The following UNC5C variants were observed in gnomAD, a reference collection of about 807,000 sequenced individuals.
The protein encoded by UNC5C is netrin receptor UNC5C.
In UNC5C, 47 loss-of-function variants were observed where a neutral mutation model predicts 99.8. That is an observed-to-expected ratio of 0.47 (90% CI 0.37 to 0.60). The LOEUF is 0.60. UNC5C is among the 20% of genes least tolerant of loss of function. UNC5C has a pLI of 0.00. For missense variants in UNC5C, 1,062 were observed against 1,165.9 expected, an observed-to-expected ratio of 0.91 and a Z score of 1.30; for synonymous variants, 487 against 452.2, an observed-to-expected ratio of 1.08 and a Z score of -0.98.
At chr4:95,473,791 T>G (rs1748048224) in intron 1 of UNC5C, among the ~76,000 whole-genome samples, 1 of 152,066 alleles carries the variant, frequency 6.6e-6, no homozygotes, top group South Asian at 2.1e-4. Flanking sequence ...TAAAAACTTC[T>G]ACAGAGGGGA....
At chr4:95,544,071 G>A (rs986025650) in intron 1 of UNC5C, among the ~76,000 whole-genome samples, 1 of 152,164 alleles carries the variant, frequency 6.6e-6, no homozygotes, top group Non-Finnish European at 1.5e-5. Context: ...AGAATTGAAA[G>A]TCAAGGAATA....
intron 7 of UNC5C, among the ~76,000 whole-genome samples, chr4:95,227,648 G>T (rs1738749611): frequency 6.6e-6 from 1 of 152,134 alleles, no homozygotes; most frequent in South Asian, 2.1e-4. Flanking sequence ...TCTCATAATT[G>T]CTCAAAACAT....
At chr4:95,523,270 C>T (rs945826064) in intron 1 of UNC5C, among the ~76,000 whole-genome samples, 21 of 152,182 alleles carry the variant, frequency 1.4e-4, no homozygotes, top group Admixed American at 9.2e-4. Flanking sequence ...AAGGAGATTC[C>T]TTGGAGAGGG....
intron 1 of UNC5C, among the ~76,000 whole-genome samples, chr4:95,490,623 A>G (rs1241745618): frequency 6.6e-6 from 1 of 151,706 alleles, no homozygotes; most frequent in African/African-American, 2.4e-5. Flanking sequence ...GAAAAAAATT[A>G]TCATTCAGTA....
chr4:95,335,040 A>T (rs879776547), intron 2 of UNC5C, among the ~76,000 whole-genome samples: 2 of 152,034 alleles, frequency 1.3e-5, no homozygotes, highest in Non-Finnish European at 2.9e-5. Flanking sequence ...AATTTATCCA[A>T]GTTAAAAATG....
intron 1 of UNC5C, among the ~76,000 whole-genome samples, chr4:95,360,202 G>C (rs1420793045): frequency 1.3e-5 from 2 of 152,110 alleles, no homozygotes; most frequent in Admixed American, 1.3e-4. Flanking sequence ...GGTCTCTTCA[G>C]AGATTACAAT....
At chr4:95,408,727 T>G (rs140944028) in intron 1 of UNC5C, among the ~76,000 whole-genome samples, 1 of 152,206 alleles carries the variant, frequency 6.6e-6, no homozygotes, top group Non-Finnish European at 1.5e-5. Flanking sequence ...TTTCTGGGTT[T>G]ACATTATACA....
At chr4:95,329,011 A>G (rs2149417362) in intron 2 of UNC5C, among the ~76,000 whole-genome samples, 1 of 152,216 alleles carries the variant, frequency 6.6e-6, no homozygotes, top group East Asian at 1.9e-4. Context: ...CATGTCCCAG[A>G]AGGGGTGGAG....
intron 14 of UNC5C, among the ~76,000 whole-genome samples, chr4:95,176,617 G>T (rs28879416): frequency 3.8e-4 from 58 of 152,158 alleles, no homozygotes; most frequent in Non-Finnish European, 3.8e-4. Flanking sequence ...CTCCAGCTGC[G>T]TGCTGGGAGA....
At chr4:95,240,898 T>C (rs1739307427) in intron 7 of UNC5C, among the ~76,000 whole-genome samples, 2 of 152,242 alleles carry the variant, frequency 1.3e-5, no homozygotes, top group African/African-American at 4.8e-5. Context: ...CGTGGCATTG[T>C]ATTCCTTGTT....
At chr4:95,546,777 A>G (rs1434385795) in intron 1 of UNC5C, among the ~76,000 whole-genome samples, 1 of 152,110 alleles carries the variant, frequency 6.6e-6, no homozygotes, top group Non-Finnish European at 1.5e-5. Context: ...TCCATTTACA[A>G]TCTGCTGTTT....
rs376448636 is a variant in UNC5C, at chr4:95,511,407, T to C, written c.124+37327A>G. 1.3e-3 allele frequency among the ~76,000 whole-genome samples: 197 copies of C among 152,268 alleles called. 1 individual carries two copies. The highest frequency in any genetic ancestry group is 4.5e-3 in the African/African-American group (189 of 41,568). On this transcript the variant is annotated intron_variant, in intron 1 of 15. Coordinates refer to ENST00000453304, the MANE Select transcript of UNC5C (RefSeq NM_003728.4). ...GCTAGACATAATAGAAATGCTCTGC[T>C]GAATTATTAGGAAAAATGGAAGCTG...
intron 1 of UNC5C, among the ~76,000 whole-genome samples, chr4:95,430,371 A>C (rs1176125947): frequency 6.6e-6 from 1 of 152,126 alleles, no homozygotes; most frequent in Non-Finnish European, 1.5e-5. Flanking sequence ...TCAAACATTA[A>C]TTTGTGGAAT....
At chr4:95,247,722 G>A (rs76451378) in intron 5 of UNC5C, among the ~76,000 whole-genome samples, 1,821 of 152,244 alleles carry the variant, frequency 0.012, 45 homozygotes, top group African/African-American at 0.04. Flanking sequence ...AGTTACTTGC[G>A]TTTGATCCTT....
intron 2 of UNC5C, among the ~76,000 whole-genome samples, chr4:95,324,292 C>T (rs1742808212): frequency 6.6e-6 from 1 of 152,132 alleles, no homozygotes; most frequent in East Asian, 1.9e-4. Context: ...ATATAGGTTG[C>T]ATGCGCCTTA....
At chr4:95,274,288 G>T (rs1401172179) in intron 4 of UNC5C, among the ~76,000 whole-genome samples, 1 of 152,110 alleles carries the variant, frequency 6.6e-6, no homozygotes, top group East Asian at 1.9e-4. Flanking sequence ...CGCAGGCCCT[G>T]GCTGGCTCCC....
Position 95,169,208 on chromosome 4 carries a change from C to A in UNC5C, c.*26G>T. Reference sequence around the variant, plus strand: ...CACAGACTCCCTGTGCATTTTTGTCCTTCATTTCCCCTTCCAGCATGGTGG... The same window carrying A: ...CACAGACTCCCTGTGCATTTTTGTCATTCATTTCCCCTTCCAGCATGGTGG... On this transcript the variant is annotated 3_prime_UTR_variant, in exon 16 of 16. Coordinates refer to ENST00000453304, the MANE Select transcript of UNC5C (RefSeq NM_003728.4). 6.2e-7 allele frequency: 1 copy of A among 1,610,766 alleles called. No homozygotes were observed. Among genetic ancestry groups the A allele is most frequent in the Non-Finnish European group, 8.5e-7 (1 of 1,177,656 alleles).
At chr4:95,255,858 C>T (rs1009438087) in intron 4 of UNC5C, among the ~76,000 whole-genome samples, 1 of 152,020 alleles carries the variant, frequency 6.6e-6, no homozygotes, top group Non-Finnish European at 1.5e-5. Flanking sequence ...CCTTACAAAA[C>T]TCCTTGGAAT....
At chr4:95,442,725 C>CA (rs1746986476) in intron 1 of UNC5C, among the ~76,000 whole-genome samples, 1 of 151,996 alleles carries the variant, frequency 6.6e-6, no homozygotes, top group African/African-American at 2.4e-5. Flanking sequence ...ACAAATGTAG[C>CA]CTAATATAAT....
Sources: gnomAD v4.1 joint callset for allele counts (sites outside exome capture counted in the v4.1 genomes callset) on GRCh38, gnomAD v4.1.1 for gene constraint, MANE v1.5 for transcripts, NCBI Gene and HGNC (gene_info 2026-07-23, HGNC 2026-07-21) for gene names.